Variants in GABRB1 observed in about 807,000 individuals in gnomAD.
The protein encoded by GABRB1 is gamma-aminobutyric acid receptor subunit beta-1.
In GABRB1, 17 loss-of-function variants were observed where a neutral mutation model predicts 51.6. That is an observed-to-expected ratio of 0.33 (90% CI 0.23 to 0.49). The LOEUF is 0.49. GABRB1 is among the 20% of genes least tolerant of loss of function. The probability of loss-of-function intolerance (pLI) is 0.99; values close to 1 mark genes in which losing one functional copy is unlikely to be tolerated. For synonymous variants in GABRB1, 247 were observed against 218.9 expected (o/e 1.13, Z -1.14); for missense variants, 410 against 600.6 (o/e 0.68, Z 3.32).
chr4:47,299,535 A>T (rs569697055), intron 4 of GABRB1, among the ~76,000 whole-genome samples: 175 of 152,320 alleles, frequency 1.1e-3, no homozygotes, highest in African/African-American at 3.9e-3. Flanking sequence ...CAAAACCACA[A>T]TGAGATACCA....
At chr4:47,348,642 C>T (rs1376680622) in intron 5 of GABRB1, among the ~76,000 whole-genome samples, 2 of 152,152 alleles carry the variant, frequency 1.3e-5, no homozygotes, top group Non-Finnish European at 2.9e-5. Flanking sequence ...GGATACTCAA[C>T]TTGTAGAGGA....
chr4:47,299,604 G>T (rs908918002), intron 4 of GABRB1, among the ~76,000 whole-genome samples: 12 of 152,244 alleles, frequency 7.9e-5, no homozygotes, highest in Admixed American at 3.9e-4. Flanking sequence ...GTGCTGGAGA[G>T]GATGTGGAGA....
At chr4:47,000,323 T>C (rs946929936) in intron 1 of GABRB1, among the ~76,000 whole-genome samples, 1 of 152,216 alleles carries the variant, frequency 6.6e-6, no homozygotes, top group Admixed American at 6.5e-5. Context: ...ACATTGACTA[T>C]TTCAACTGTT....
chr4:47,025,333 A>G (rs988597378), intron 1 of GABRB1, among the ~76,000 whole-genome samples: 1 of 151,870 alleles, frequency 6.6e-6, no homozygotes, highest in Admixed American at 6.6e-5. Context: ...TGTTTTCCAT[A>G]GTGGTTGTAC....
intron 5 of GABRB1, among the ~76,000 whole-genome samples, chr4:47,355,731 A>G (rs916401441): frequency 6.6e-6 from 1 of 152,200 alleles, no homozygotes; most frequent in Non-Finnish European, 1.5e-5. Flanking sequence ...CCATTAGCGC[A>G]GATATATCAA....
At chr4:47,137,665 A>G (rs1716730286) in intron 3 of GABRB1, among the ~76,000 whole-genome samples, 1 of 152,144 alleles carries the variant, frequency 6.6e-6, no homozygotes, top group Admixed American at 6.6e-5. Flanking sequence ...CCAAAAACAT[A>G]GGCTAATATG....
chr4:47,265,498 T>C (rs1187060305), intron 4 of GABRB1, among the ~76,000 whole-genome samples: 1 of 152,128 alleles, frequency 6.6e-6, no homozygotes, highest in Non-Finnish European at 1.5e-5. Flanking sequence ...TCTATTTTTA[T>C]TTCTTTGAGA....
chr4:47,276,432 C>A (rs557255863), intron 4 of GABRB1, among the ~76,000 whole-genome samples: 1 of 151,992 alleles, frequency 6.6e-6, no homozygotes, highest in Non-Finnish European at 1.5e-5. Flanking sequence ...GGCTTAGATA[C>A]CTGAATATTC....
At chr4:47,273,239 A>G (rs1722945065) in intron 4 of GABRB1, among the ~76,000 whole-genome samples, 1 of 152,212 alleles carries the variant, frequency 6.6e-6, no homozygotes, top group African/African-American at 2.4e-5. Context: ...CCTCCCAGGC[A>G]GCTACCAGTC....
intron 5 of GABRB1, among the ~76,000 whole-genome samples, chr4:47,369,492 G>A (rs769481856): frequency 6.6e-5 from 10 of 151,322 alleles, no homozygotes; most frequent in Admixed American, 2.6e-4. Context: ...AATTTCCTCC[G>A]TCAAATTTAT....
intron 4 of GABRB1, among the ~76,000 whole-genome samples, chr4:47,223,155 G>T (rs1161477745): frequency 6.6e-6 from 1 of 151,930 alleles, no homozygotes; most frequent in Non-Finnish European, 1.5e-5. Flanking sequence ...CTTTTTTCAT[G>T]AGAAACAGTG....
intron 5 of GABRB1, among the ~76,000 whole-genome samples, chr4:47,378,031 A>G (rs1727451082): frequency 6.6e-6 from 1 of 152,216 alleles, no homozygotes; most frequent in Non-Finnish European, 1.5e-5. Context: ...CCAGTCCGGC[A>G]CCGTGCGCCC....
intron 1 of GABRB1, among the ~76,000 whole-genome samples, chr4:47,019,665 TTCTTTC>T (rs1724861153): frequency 6.9e-6 from 1 of 145,794 alleles, no homozygotes; most frequent in Non-Finnish European, 1.5e-5. Context: ...CTTTCTTTCT[TTCTTTC>T]TTTCTTTCCT....
rs1419394418 is a variant in GABRB1 at position 47,320,272 on chromosome 4, T to C, written c.544+63T>C. ...CTTCCTTGACCCAGTTGAATTCAAC[T>C]TCTCACTGAGTTAATTAGCACCAGG... On this transcript the variant is annotated intron_variant, in intron 5 of 8. Transcript: ENST00000295454. The C allele has an allele frequency of 6.7e-6, 7 of 1,045,022 alleles. No individual in the cohort carries two copies. In the East Asian group the frequency reaches 1.4e-4, roughly 21 times the overall value. The allele number at this position is 1,045,022 out of a possible 1,614,324, so 64.7% of individuals were successfully genotyped here.
chr4:47,379,446 G>A (rs1727514823), intron 5 of GABRB1, among the ~76,000 whole-genome samples: 1 of 152,120 alleles, frequency 6.6e-6, no homozygotes, highest in Non-Finnish European at 1.5e-5. Context: ...AAATGAGTTG[G>A]CCTAACTGTG....
At chr4:47,148,547 A>C (rs1208145234) in intron 3 of GABRB1, among the ~76,000 whole-genome samples, 4 of 152,018 alleles carry the variant, frequency 2.6e-5, no homozygotes, top group Admixed American at 6.6e-5. Flanking sequence ...ACTAATGATT[A>C]ATGAGGTTTT....
At chr4:47,177,581 A>C (rs1456978930) in intron 4 of GABRB1, among the ~76,000 whole-genome samples, 4 of 152,094 alleles carry the variant, frequency 2.6e-5, no homozygotes, top group Non-Finnish European at 5.9e-5. Flanking sequence ...AACTATTCAA[A>C]AATGGAACCA....
intron 4 of GABRB1, among the ~76,000 whole-genome samples, chr4:47,280,515 G>A (rs1723248155): frequency 6.7e-6 from 1 of 150,106 alleles, no homozygotes; most frequent in Admixed American, 6.7e-5. Flanking sequence ...TTGTTACTTA[G>A]CAATCTTTTC....
intron 4 of GABRB1, among the ~76,000 whole-genome samples, chr4:47,186,396 G>A (rs369785472): frequency 1.3e-5 from 2 of 151,850 alleles, no homozygotes; most frequent in African/African-American, 4.8e-5. Context: ...TTTTAGTTTG[G>A]CTAAAATTAG....
Sources: gnomAD v4.1 joint callset for allele counts (sites outside exome capture counted in the v4.1 genomes callset) on GRCh38, gnomAD v4.1.1 for gene constraint, MANE v1.5 for transcripts, NCBI Gene and HGNC (gene_info 2026-07-23, HGNC 2026-07-21) for gene names.